Variants in MFSD8 observed in about 807,000 individuals in gnomAD.
MFSD8 encodes the protein major facilitator superfamily domain containing 8.
In MFSD8, 55 loss-of-function variants were observed where a neutral mutation model predicts 66.4. The observed-to-expected ratio is 0.83, with a 90% confidence interval of 0.67 to 1.04. The LOEUF (loss-of-function observed/expected upper bound fraction) is 1.04. Among genes scored for constraint, MFSD8 ranks in the 50% least tolerant of loss-of-function variants. MFSD8 has a pLI of 0.00. For synonymous variants in MFSD8, 202 were observed against 212.8 expected (o/e 0.95, Z 0.44); for missense variants, 550 against 627.6 (o/e 0.88, Z 1.32).
Position 127,939,988 on chromosome 4 carries a change from G to T in MFSD8, c.563C>A (p.Thr188Asn). The T allele has an allele frequency of 1.2e-6, 2 of 1,612,770 alleles. No homozygotes were observed. Among genetic ancestry groups the T allele is most frequent in the Non-Finnish European group, 1.7e-6 (2 of 1,179,442 alleles). Reference protein sequence around the residue: ...LGFILGPVFQTCFTFLGEKGV... With the variant: ...LGFILGPVFQNCFTFLGEKGV... ...TTTTTCTCCAAGGAATGTAAAACAA[G>T]TCTGAAAAACTTATTAAGATAAAAT... The change falls in exon 6 of 12, where the codon ACT becomes AAT. Residue 188 changes from threonine (T) to asparagine (N), a missense_variant. By Grantham distance (65) the Thr-to-Asn change is moderately conservative (BLOSUM62 0). Coordinates refer to ENST00000641686, the MANE Select transcript of MFSD8 (RefSeq NM_001371596.2).
chr4:127,958,322 C>G lies in MFSD8; in HGVS notation c.63-730G>C, dbSNP rs955541640. On this transcript the variant is annotated intron_variant, in intron 1 of 11. Coordinates refer to ENST00000641686, the MANE Select transcript of MFSD8 (RefSeq NM_001371596.2). The stretch of plus-strand genomic sequence containing the variant: ...TCACACACACAATAGAAAGAGTTAA[C>G]AAGTTCACCTTAACGTGAGCATTAT... 3.9e-5 allele frequency among the ~76,000 whole-genome samples: 6 copies of G among 152,312 alleles called. No homozygotes were observed. The South Asian group carries it at 1.2e-3, about 32-fold the overall frequency.
At chr4:127,957,318 T>C (rs1452164839) in intron 2 of MFSD8, among the ~76,000 whole-genome samples, 183 bp downstream of exon 2, 1 of 152,176 alleles carries the variant, frequency 6.6e-6, no homozygotes, top group Non-Finnish European at 1.5e-5. Context: ...AGGGATTGGT[T>C]GCACAACAAT....
chr4:127,938,592 A>AAAATAAAT (rs376661613), intron 7 of MFSD8, among the ~76,000 whole-genome samples, 191 bp downstream of exon 7: 40 of 131,010 alleles, frequency 3.1e-4, no homozygotes, highest in Admixed American at 5.3e-4. Context: ...CAAAAAAAAA[A>AAAATAAAT]AAATAAATAA....
chr4:127,939,867 G>C lies in MFSD8; in HGVS notation c.684C>G (p.Ile228Met), dbSNP rs764470493. 6.2e-7 allele frequency: 1 copy of C among 1,612,626 alleles called. No individual in the cohort carries two copies. Among genetic ancestry groups the C allele is most frequent in the Non-Finnish European group, 8.5e-7 (1 of 1,179,188 alleles). Residue 228 changes from isoleucine (I) to methionine (M), a missense_variant, in exon 6 of 12, where the codon ATC becomes ATG. Transcript: ENST00000641686. The part of the protein sequence containing the change: ...AFLGILNIIL[I>M]LAILREHRVD... ...TATCTAATTACCTTAGTATGGCAAG[G>C]ATCAGAATAATATTTAAAATTCCCA... is the stretch of plus-strand genomic sequence containing the variant.
In MFSD8 at chr4:127,921,738, A is replaced by G. The variant is rs191172038; in HGVS notation, c.1136T>C (p.Phe379Ser). The change falls in exon 11 of 12, where the codon TTT (phenylalanine) becomes TCT (serine). Residue 379 changes from phenylalanine (F) to serine (S), a missense_variant. Phe to Ser is a radical substitution (Grantham distance 155, BLOSUM62 -2). Coordinates refer to ENST00000641686, the MANE Select transcript of MFSD8 (RefSeq NM_001371596.2). ...CCAAAGACCAATAATAATTTCCCCA[A>G]ATGTGGTATTAGGGATTGAATTATT... ...LHNNSIPNTT[F>S]GEIIIGLWKS... 474 of 1,614,166 alleles carry G rather than the reference A, an allele frequency of 2.9e-4. 1 individual carries two copies. The highest frequency in any genetic ancestry group is 5.2e-4 in the Admixed American group (31 of 60,020).
intron 7 of MFSD8, among the ~76,000 whole-genome samples, chr4:127,936,685 T>C (rs760957164): frequency 6.6e-6 from 1 of 151,910 alleles, no homozygotes; most frequent in Non-Finnish European, 1.5e-5. Context: ...TTTTTTATTA[T>C]AAATTATATA....
chr4:127,921,666 A>T lies in MFSD8; in HGVS notation c.1208T>A (p.Ile403Asn). 1 of 1,614,220 alleles carries T rather than the reference A, an allele frequency of 6.2e-7. No homozygotes were observed. Residue 403 changes from isoleucine (I) to asparagine (N), a missense_variant, in exon 11 of 12, where the codon ATT (isoleucine) becomes AAT (asparagine). Coordinates refer to ENST00000641686, the MANE Select transcript of MFSD8 (RefSeq NM_001371596.2). Reference protein sequence around the residue: ...DDNERPTGCSIEQAWCLYTPV... With the variant: ...DDNERPTGCSNEQAWCLYTPV... Reference sequence around the variant, plus strand: ...GGTGTAGAGGCACCAGGCTTGTTCAATCGAGCAACCAGTTGGTCTTTCATT... The same window carrying T: ...GGTGTAGAGGCACCAGGCTTGTTCATTCGAGCAACCAGTTGGTCTTTCATT...
chr4:127,939,985 CA>C lies in MFSD8; in HGVS notation c.565del (p.Cys189ValfsTer10). On this transcript the variant is annotated frameshift_variant, in exon 6 of 12. Transcript: ENST00000641686. LOFTEE classifies it high-confidence loss of function. ...GFILGPVFQT[C>X]FTFLGEKGVT... is the part of the protein sequence containing the mutation. ...ACCTTTTTCTCCAAGGAATGTAAAACAAGTCTGAAAAACTTATTAAGATAAA... is the reference window on the plus strand; with the variant it reads ...ACCTTTTTCTCCAAGGAATGTAAAACAGTCTGAAAAACTTATTAAGATAAA... 6.2e-7 allele frequency: 1 copy of C among 1,612,950 alleles called. No individual in the cohort carries two copies. Among genetic ancestry groups the C allele is most frequent in the Non-Finnish European group, 8.5e-7 (1 of 1,179,572 alleles).
chr4:127,965,319 A>T (rs1744914846), upstream of MFSD8: 1 of 705,526 alleles, frequency 1.4e-6, no homozygotes, highest in East Asian at 2.7e-5. Context: ...GCAGGGCGAA[A>T]GGAGGCTGTG....
chr4:127,920,952 T>C (rs984605435), intron 11 of MFSD8, 116 bp from the exon 12 acceptor site: 12 of 957,406 alleles, frequency 1.3e-5, no homozygotes, highest in Non-Finnish European at 1.9e-5. Context: ...CTGCATCTTT[T>C]ACTTTTAAAT....
At position 127,930,681 on chromosome 4, in the gene MFSD8, A is replaced by C; in HGVS notation, c.998+2T>G. On this transcript the variant is annotated splice_donor_variant, in intron 9 of 11. Transcript: ENST00000641686. LOFTEE classifies it high-confidence loss of function. ...ACATAAAACCAAAAACACTTAACTT[A>C]CTTTTTGGAAAGCAACTTAACTCCT... 1.2e-6 allele frequency: 2 copies of C among 1,613,474 alleles called. No individual in the cohort carries two copies. The highest frequency in any genetic ancestry group is 1.7e-6 in the Non-Finnish European group (2 of 1,179,738).
intron 4 of MFSD8, 80 bp from the exon 5 acceptor site, chr4:127,942,238 CAGA>C: frequency 1.8e-6 from 2 of 1,091,846 alleles, no homozygotes; most frequent in Non-Finnish European, 2.8e-6. Flanking sequence ...TGACTTTATA[CAGA>C]AGAAGAAATC....
chr4:127,965,193 C>A, upstream of MFSD8: 1 of 1,603,880 alleles, frequency 6.2e-7, no homozygotes, highest in Non-Finnish European at 8.5e-7. Flanking sequence ...TTTCTCCCAT[C>A]CCGGGTGGCG....
chr4:127,942,631 G>T (rs1193261335), intron 4 of MFSD8, among the ~76,000 whole-genome samples: 1 of 145,922 alleles, frequency 6.9e-6, no homozygotes, highest in African/African-American at 2.5e-5. Context: ...AATGAGCCAA[G>T]ATCACGCCAC....
At chr4:127,944,489 C>T (rs114786626) in intron 3 of MFSD8, among the ~76,000 whole-genome samples, 3 of 151,956 alleles carry the variant, frequency 2.0e-5, no homozygotes, top group Non-Finnish European at 4.4e-5. Context: ...TCTCAATAAA[C>T]CTGTTATAAA....
At chr4:127,960,990 A>T (rs774095815) in intron 1 of MFSD8, among the ~76,000 whole-genome samples, 3 of 152,220 alleles carry the variant, frequency 2.0e-5, no homozygotes, top group Non-Finnish European at 2.9e-5. Context: ...AACAAGCCTA[A>T]AATATTTACA....
At chr4:127,930,868 T>C (rs776922346) in intron 8 of MFSD8, 51 bp from the exon 9 acceptor site, 3 of 1,524,668 alleles carry the variant, frequency 2.0e-6, no homozygotes, top group Non-Finnish European at 1.8e-6. Flanking sequence ...GTAACTGTTA[T>C]ACTTAAAGTG....
chr4:127,963,828 C>A (rs1247195651), intron 1 of MFSD8, among the ~76,000 whole-genome samples: 1 of 152,176 alleles, frequency 6.6e-6, no homozygotes, highest in Non-Finnish European at 1.5e-5. Flanking sequence ...TCTTATCTGG[C>A]CCCACCCACA....
At chr4:127,962,560 C>T (rs1013857833) in intron 1 of MFSD8, among the ~76,000 whole-genome samples, 12 of 151,616 alleles carry the variant, frequency 7.9e-5, no homozygotes, top group Non-Finnish European at 1.3e-4. Context: ...TATTAAAATT[C>T]ATATCAGCAT....
Sources: allele counts gnomAD v4.1 joint callset (sites outside exome capture counted in the v4.1 genomes callset), GRCh38; gene constraint gnomAD v4.1.1; transcripts MANE v1.5; gene names NCBI Gene and HGNC (gene_info 2026-07-23, HGNC 2026-07-21).